Variants in KLHL8 observed in about 807,000 individuals in gnomAD.
The protein encoded by KLHL8 is kelch-like protein 8.
Under a neutral mutation model 63.5 loss-of-function variants are expected in KLHL8, and 38 were observed. The ratio of observed to expected loss-of-function variants is 0.60; its 90% CI spans 0.46 to 0.78. The LOEUF (loss-of-function observed/expected upper bound fraction) is 0.78, where lower values mean the gene tolerates loss of function less well. Among genes scored for constraint, KLHL8 ranks in the 30% least tolerant of loss-of-function variants. KLHL8 has a pLI of 0.00. For missense variants in KLHL8, 566 were observed against 752.4 expected, an observed-to-expected ratio of 0.75 and a Z score of 2.90; for synonymous variants, 224 against 254.3, an observed-to-expected ratio of 0.88 and a Z score of 1.13.
chr4:87,166,828 A>C (rs1730417838), intron 8 of KLHL8: 1 of 157,740 alleles, frequency 6.3e-6, no homozygotes, highest in Non-Finnish European at 1.4e-5. Flanking sequence ...TGCAGTCCCC[A>C]AGTGGTGTGC....
chr4:87,239,432 G>A lies in KLHL8; in HGVS notation n.57+826C>T, dbSNP rs576493785. ...ACAGACTTGGCAGGAGCAAAGCTCC[G>A]TTATTTCCCAGTACCTCTCTCCAAG... On this transcript the variant is annotated intron_variant and non_coding_transcript_variant, in intron 1 of 1. Coordinates refer to the KLHL8 transcript ENST00000506274. 1.9e-4 allele frequency among the ~76,000 whole-genome samples: 29 copies of A among 152,292 alleles called. 1 individual carries two copies. The highest frequency in any genetic ancestry group is 2.6e-4 in the African/African-American group (11 of 41,562).
chr4:87,178,360 T>G, intron 5 of KLHL8, 117 bp downstream of exon 5: 1 of 1,122,944 alleles, frequency 8.9e-7, no homozygotes, highest in Non-Finnish European at 1.2e-6. Flanking sequence ...CCAAGCATTT[T>G]ATTTAAAAAT....
rs1362433763 is a variant in KLHL8, at chr4:87,195,321, C to T, written c.216+3G>A. 1 of 1,610,106 alleles carries T rather than the reference C, an allele frequency of 6.2e-7. No individual in the cohort carries two copies. Among genetic ancestry groups the T allele is most frequent in the South Asian group, 1.1e-5 (1 of 90,896 alleles). ...GAGAAAAGTACAAAAAAGGCAATCTCACCTTGAGTGTGACATCACAGAGTT... is the reference window on the plus strand; with the variant it reads ...GAGAAAAGTACAAAAAAGGCAATCTTACCTTGAGTGTGACATCACAGAGTT... On this transcript the variant is annotated splice_donor_region_variant and intron_variant, in intron 2 of 9. Transcript: ENST00000273963.
At chr4:87,195,250 T>C in intron 2 of KLHL8, 74 bp downstream of exon 2, 1 of 1,233,450 alleles carries the variant, frequency 8.1e-7, no homozygotes, top group Non-Finnish European at 1.1e-6. Context: ...ATTTGCCTTG[T>C]ATGGTTACAG....
At chr4:87,191,708 G>A (rs1274053003) in intron 2 of KLHL8, among the ~76,000 whole-genome samples, 5 of 151,986 alleles carry the variant, frequency 3.3e-5, no homozygotes, top group Middle Eastern at 3.2e-3. Flanking sequence ...CAGGTAGTGA[G>A]CATAATACAC....
chr4:87,178,068 A>G (rs775080510), intron 5 of KLHL8, among the ~76,000 whole-genome samples: 29 of 152,156 alleles, frequency 1.9e-4, no homozygotes, highest in Non-Finnish European at 3.5e-4. Flanking sequence ...GTGATCTTTT[A>G]GAGTTTTCTG....
At chr4:87,184,280 A>G (rs1731168289) in intron 3 of KLHL8, among the ~76,000 whole-genome samples, 1 of 152,196 alleles carries the variant, frequency 6.6e-6, no homozygotes, top group Admixed American at 6.5e-5. Flanking sequence ...TTTGATACTC[A>G]TATGAATGCA....
chr4:87,209,947 G>A (rs1161213268), intron 1 of KLHL8, among the ~76,000 whole-genome samples: 1 of 148,628 alleles, frequency 6.7e-6, no homozygotes, highest in African/African-American at 2.5e-5. Flanking sequence ...TCTGACTTCC[G>A]GGCTCAAGCC....
Position 87,226,587 on chromosome 4 carries a change from A to ATATAAATAATATATATATTATT in KLHL8, n.58-5198_58-5197insAATAATATATATATTATTTATA, listed in dbSNP as rs1553950258. Among the ~76,000 whole-genome samples the ATATAAATAATATATATATTATT allele has an allele frequency of 8.1e-3, 687 of 84,792 alleles. 174 individuals carry two copies. The highest frequency in any genetic ancestry group is 0.013 in the Non-Finnish European group (587 of 46,356). The allele number at this position is 84,792 out of a possible 152,430, so 55.6% of individuals were successfully genotyped here. On this transcript the variant is annotated intron_variant and non_coding_transcript_variant, in intron 1 of 1. Transcript: ENST00000506274. ...TCTCTCGCTCTCTCTCTCTCTCTAT[A>ATATAAATAATATATATATTATT]TATATAAATAATATATATATTATTT...
chr4:87,177,734 G>A (rs939258165), intron 5 of KLHL8, among the ~76,000 whole-genome samples: 6 of 151,992 alleles, frequency 3.9e-5, no homozygotes, highest in East Asian at 1.9e-4. Flanking sequence ...AGCCTCCCAA[G>A]TAGCTGAGAC....
intron 1 of KLHL8, among the ~76,000 whole-genome samples, chr4:87,230,625 A>G (rs1733118938): frequency 6.6e-6 from 1 of 152,234 alleles, no homozygotes; most frequent in Non-Finnish European, 1.5e-5. Flanking sequence ...TAAATCTTTT[A>G]TTAACACTTA....
intron 1 of KLHL8, among the ~76,000 whole-genome samples, chr4:87,229,628 C>T (rs561823459): frequency 9.2e-5 from 14 of 151,452 alleles, no homozygotes; most frequent in South Asian, 6.3e-4. Flanking sequence ...AGATGGGTTT[C>T]GCCATGTTGG....
chr4:87,233,759 C>G lies in KLHL8; in HGVS notation n.57+6499G>C, dbSNP rs966387765. On this transcript the variant is annotated intron_variant and non_coding_transcript_variant, in intron 1 of 1. Transcript: ENST00000506274. ...GGTCTGCCTAGGTTTTTTATAAAAT[C>G]AATTTTTATCACGTTACCACTTATG... 3.9e-5 allele frequency among the ~76,000 whole-genome samples: 6 copies of G among 152,188 alleles called. No homozygotes were observed. The South Asian group carries it at 8.3e-4, about 21-fold the overall frequency.
intron 8 of KLHL8, among the ~76,000 whole-genome samples, chr4:87,166,576 C>T (rs1447697721): frequency 2.0e-5 from 3 of 152,196 alleles, no homozygotes; most frequent in Non-Finnish European, 4.4e-5. Flanking sequence ...GTTTCATAAT[C>T]ATTTAAAGCC....
intron 5 of KLHL8, 120 bp from the exon 6 acceptor site, chr4:87,176,988 G>A: frequency 3.6e-6 from 2 of 552,594 alleles, no homozygotes; most frequent in Non-Finnish European, 6.2e-6. Context: ...AATAATTGCT[G>A]TTCTGTTCAA....
chr4:87,178,398 T>C (rs1191972972), intron 5 of KLHL8, 79 bp downstream of exon 5: 3 of 1,383,528 alleles, frequency 2.2e-6, no homozygotes, highest in African/African-American at 1.5e-5. Context: ...TTTTCTTATA[T>C]AAAAATAAAT....
At chr4:87,207,762 G>A (rs1732200814) in intron 1 of KLHL8, 2 of 851,974 alleles carry the variant, frequency 2.3e-6, no homozygotes, top group Admixed American at 1.8e-5. Context: ...AGCTGAATGG[G>A]AAGCTCACTG....
chr4:87,192,589 G>C (rs1233155329), intron 2 of KLHL8, among the ~76,000 whole-genome samples: 4 of 152,116 alleles, frequency 2.6e-5, no homozygotes, highest in Non-Finnish European at 4.4e-5. Context: ...TATGTACGTA[G>C]CTTATACTAC....
intron 1 of KLHL8, chr4:87,207,339 C>A: frequency 3.2e-6 from 2 of 628,484 alleles, no homozygotes; most frequent in South Asian, 3.1e-5. Context: ...CCTCCAAAAT[C>A]AAATGGGGCA....
Sources: allele counts gnomAD v4.1 joint callset (sites outside exome capture counted in the v4.1 genomes callset), GRCh38; gene constraint gnomAD v4.1.1; transcripts MANE v1.5; gene names NCBI Gene and HGNC (gene_info 2026-07-23, HGNC 2026-07-21).